CRPPA: variants seen among roughly 807,000 people sequenced by gnomAD.
CRPPA encodes D-ribitol-5-phosphate cytidylyltransferase.
CRPPA carries 43 observed loss-of-function variants against 52.0 expected under a neutral mutation model. That is an observed-to-expected ratio of 0.83 (90% CI 0.65 to 1.07). CRPPA has a LOEUF of 1.07. Among genes scored for constraint, CRPPA ranks in the 50% least tolerant of loss-of-function variants. CRPPA has a pLI of 0.00. For missense variants in CRPPA, 629 were observed against 551.7 expected (o/e 1.14, Z -1.40); for synonymous variants, 250 against 203.5 (o/e 1.23, Z -1.94).
At chr7:16,207,206 A>G (rs183257449) in intron 9 of CRPPA, among the ~76,000 whole-genome samples, 43 of 152,280 alleles carry the variant, frequency 2.8e-4, no homozygotes, top group African/African-American at 1.0e-3. Context: ...TTCCACTCTC[A>G]TTCCTGGAAA....
intron 3 of CRPPA, among the ~76,000 whole-genome samples, chr7:16,368,903 G>C (rs1224504117): frequency 6.6e-6 from 1 of 152,052 alleles, no homozygotes; most frequent in African/African-American, 2.4e-5. Context: ...CTTAATATAT[G>C]CACATATATA....
At chr7:16,202,516 A>G (rs1527225) in intron 9 of CRPPA, among the ~76,000 whole-genome samples, 109,517 of 152,062 alleles carry the variant, frequency 0.72, 39,704 homozygotes, top group Admixed American at 0.79. Flanking sequence ...AAATAAAGTG[A>G]TAAACCAGAC....
intron 9 of CRPPA, among the ~76,000 whole-genome samples, chr7:16,100,331 A>T (rs879442470): frequency 2.6e-5 from 4 of 152,106 alleles, no homozygotes; most frequent in Non-Finnish European, 1.5e-5. Context: ...CAAAATCCCT[A>T]ATGTTTTTAT....
chr7:16,221,219 G>T lies in CRPPA; in HGVS notation c.1120-5022C>A, dbSNP rs200228594. 5.6e-3 allele frequency among the ~76,000 whole-genome samples: 856 copies of T among 152,088 alleles called. 38 individuals are homozygous for T. The East Asian group carries it at 0.12, about 21-fold the overall frequency. On this transcript the variant is annotated intron_variant, in intron 8 of 9. Coordinates refer to ENST00000407010, the MANE Select transcript of CRPPA (RefSeq NM_001101426.4). ...AAAGGATTCCCTATTTAATAAATGGGGCTGGGAAAACTGGCTAGCCATATG... is the reference window on the plus strand; with the variant it reads ...AAAGGATTCCCTATTTAATAAATGGTGCTGGGAAAACTGGCTAGCCATATG...
At chr7:16,412,512 A>G (rs1408372619) in intron 1 of CRPPA, among the ~76,000 whole-genome samples, 1 of 152,228 alleles carries the variant, frequency 6.6e-6, no homozygotes, top group African/African-American at 2.4e-5. Flanking sequence ...TATTTTGGTC[A>G]GCAACCAAGC....
chr7:16,175,662 G>A (rs1418521311), intron 9 of CRPPA, among the ~76,000 whole-genome samples: 1 of 152,042 alleles, frequency 6.6e-6, no homozygotes, highest in Non-Finnish European at 1.5e-5. Context: ...ATTCTTTTAA[G>A]TATATTTCTA....
At chr7:16,237,878 A>T (rs1205729724) in intron 8 of CRPPA, among the ~76,000 whole-genome samples, 2 of 152,202 alleles carry the variant, frequency 1.3e-5, no homozygotes, top group African/African-American at 4.8e-5. Context: ...TAGAAATGCC[A>T]GTCCTCTCAC....
chr7:16,413,161 T>C (rs973723479), intron 1 of CRPPA, among the ~76,000 whole-genome samples: 2 of 152,184 alleles, frequency 1.3e-5, no homozygotes, highest in African/African-American at 4.8e-5. Context: ...TATTTCTCCA[T>C]ACTGACCCTG....
intron 9 of CRPPA, among the ~76,000 whole-genome samples, chr7:16,178,797 A>AT (rs201609977): frequency 1.6e-5 from 2 of 128,036 alleles, no homozygotes; most frequent in African/African-American, 5.1e-5. Context: ...CAACATAAGC[A>AT]TTTTTTAAAA....
rs1443057067 is a variant in CRPPA at position 16,197,053 on chromosome 7, T to G, written c.1251+19013A>C. On this transcript the variant is annotated intron_variant, in intron 9 of 9. Coordinates refer to ENST00000407010, the MANE Select transcript of CRPPA (RefSeq NM_001101426.4). ...AAAAAGCTATCTACCCAAACCCAGG[T>G]CAAACAGAATAGGGTAAACATGATA... Among the ~76,000 whole-genome samples the G allele has an allele frequency of 2.0e-5, 3 of 146,426 alleles. No individual in the cohort carries two copies. In the East Asian group the frequency reaches 6.0e-4, roughly 29 times the overall value.
chr7:16,272,152 C>T (rs184371975), intron 6 of CRPPA, among the ~76,000 whole-genome samples: 137 of 152,190 alleles, frequency 9.0e-4, no homozygotes, highest in African/African-American at 3.0e-3. Flanking sequence ...CTGAGAAAAA[C>T]GGAGGAGGAA....
intron 2 of CRPPA, among the ~76,000 whole-genome samples, chr7:16,380,689 C>A (rs1047345122): frequency 9.9e-5 from 15 of 152,078 alleles, no homozygotes; most frequent in Non-Finnish European, 1.2e-4. Flanking sequence ...GTCTACTCAG[C>A]GATTCAACTT....
chr7:16,398,692 G>T (rs535688046), intron 2 of CRPPA, among the ~76,000 whole-genome samples: 1 of 152,128 alleles, frequency 6.6e-6, no homozygotes, highest in South Asian at 2.1e-4. Flanking sequence ...TGACTGACAC[G>T]ATTGGCATCT....
intron 9 of CRPPA, among the ~76,000 whole-genome samples, chr7:16,174,636 C>G (rs1329944456): frequency 6.6e-6 from 1 of 151,210 alleles, no homozygotes; most frequent in East Asian, 2.1e-4. Context: ...AGGAAGTACC[C>G]AGTTCTAATT....
chr7:16,368,436 G>A (rs1354821530), intron 3 of CRPPA, among the ~76,000 whole-genome samples: 5 of 152,118 alleles, frequency 3.3e-5, no homozygotes, highest in African/African-American at 1.2e-4. Flanking sequence ...AAGATTCTTT[G>A]AAAACAAACA....
intron 9 of CRPPA, among the ~76,000 whole-genome samples, chr7:16,196,376 A>G (rs1781733745): frequency 6.6e-6 from 1 of 152,172 alleles, no homozygotes; most frequent in African/African-American, 2.4e-5. Context: ...ACCGTGCTCA[A>G]AAAAATATAT....
intron 8 of CRPPA, among the ~76,000 whole-genome samples, chr7:16,234,840 A>C (rs1782900759): frequency 6.6e-6 from 1 of 152,104 alleles, no homozygotes. Context: ...AATGTCACTC[A>C]AATTTTTAAG....
chr7:16,409,347 A>G (rs1788026734), intron 1 of CRPPA, among the ~76,000 whole-genome samples: 1 of 152,208 alleles, frequency 6.6e-6, no homozygotes, highest in Non-Finnish European at 1.5e-5. Context: ...TGTGGTTTTA[A>G]GCCATTCAGT....
In CRPPA at chr7:16,389,913, C is replaced by CAAA. The variant is rs1163092089; in HGVS notation, c.535-13675_535-13673dup. Among the ~76,000 whole-genome samples the CAAA allele has an allele frequency of 2.9e-4, 10 of 34,314 alleles. 2 individuals are homozygous for CAAA. Among genetic ancestry groups the CAAA allele is most frequent in the African/African-American group, 1.8e-3 (8 of 4,528 alleles). 22.5% of individuals were successfully genotyped at this position (34,314 alleles called of 152,430 possible). ...GGATACAGAGAACAAGCCTAGTATA[C>CAAA]AAAAAAAAAAAAAAAATATATATAT... On this transcript the variant is annotated intron_variant, in intron 2 of 9. Coordinates refer to ENST00000407010, the MANE Select transcript of CRPPA (RefSeq NM_001101426.4).
Sources: allele counts gnomAD v4.1 joint callset (sites outside exome capture counted in the v4.1 genomes callset), GRCh38; gene constraint gnomAD v4.1.1; transcripts MANE v1.5; gene names NCBI Gene and HGNC (gene_info 2026-07-23, HGNC 2026-07-21).